The following CDH13 variants were observed in gnomAD, a reference collection of about 807,000 sequenced individuals.
The protein encoded by CDH13 is cadherin-13.
CDH13 carries 24 observed loss-of-function variants against 63.8 expected under a neutral mutation model. That is an observed-to-expected ratio of 0.38 (90% CI 0.27 to 0.53). CDH13 has a LOEUF of 0.53. Among genes scored for constraint, CDH13 ranks in the 20% least tolerant of loss-of-function variants. CDH13 has a pLI of 0.85. For missense variants in CDH13, 1,049 were observed against 903.1 expected (o/e 1.16, Z -2.07); for synonymous variants, 503 against 355.3 (o/e 1.42, Z -4.67).
intron 7 of CDH13, among the ~76,000 whole-genome samples, chr16:83,570,400 A>G (rs1422667092): frequency 1.3e-5 from 2 of 152,060 alleles, no homozygotes; most frequent in African/African-American, 4.8e-5. Flanking sequence ...TCTGCCCCAC[A>G]AGATGATGTC....
intron 5 of CDH13, among the ~76,000 whole-genome samples, chr16:83,267,718 T>C (rs568917730): frequency 2.7e-4 from 41 of 152,350 alleles, no homozygotes; most frequent in African/African-American, 9.4e-4. Flanking sequence ...CCTCGCCTGT[T>C]GTGGCCCCTC....
rs567254167 is a variant in CDH13 at position 82,952,073 on chromosome 16, G to A, written c.158-79937G>A. On this transcript the variant is annotated intron_variant, in intron 2 of 13. Transcript: ENST00000567109. The stretch of plus-strand genomic sequence containing the variant: ...ATGTGCAATTACTGCACATTTTCTC[G>A]AAAGGAGTTTTGACAATGATAAATG... 1.4e-3 allele frequency among the ~76,000 whole-genome samples: 212 copies of A among 152,290 alleles called. 1 individual carries two copies. Among genetic ancestry groups the A allele is most frequent in the African/African-American group, 4.8e-3 (201 of 41,564 alleles).
At chr16:82,879,663 A>G (rs1329550088) in intron 2 of CDH13, among the ~76,000 whole-genome samples, 1 of 139,488 alleles carries the variant, frequency 7.2e-6, no homozygotes, top group African/African-American at 2.6e-5. Flanking sequence ...TAGATATAAT[A>G]TATTTTACAT....
At chr16:82,753,244 C>T (rs2034489054) in intron 1 of CDH13, among the ~76,000 whole-genome samples, 2 of 152,170 alleles carry the variant, frequency 1.3e-5, no homozygotes, top group Admixed American at 6.5e-5. Flanking sequence ...ACATGGATGG[C>T]ATCTCAGTTC....
intron 2 of CDH13, among the ~76,000 whole-genome samples, chr16:82,879,435 A>G (rs968105140): frequency 1.4e-5 from 2 of 146,970 alleles, no homozygotes; most frequent in African/African-American, 5.0e-5. Flanking sequence ...TTATATATAT[A>G]TTTTCCTATA....
intron 1 of CDH13, among the ~76,000 whole-genome samples, chr16:82,651,819 G>A (rs537466436): frequency 6.6e-6 from 1 of 152,328 alleles, no homozygotes; most frequent in African/African-American, 2.4e-5. Context: ...TTTCCAGTGG[G>A]ACAGCAAGAA....
chr16:82,748,361 C>G (rs1020227081), intron 1 of CDH13, among the ~76,000 whole-genome samples: 2 of 152,190 alleles, frequency 1.3e-5, no homozygotes, highest in African/African-American at 4.8e-5. Context: ...AGCTTTTATT[C>G]TGACTTCCAG....
chr16:82,651,716 G>T lies in CDH13; in HGVS notation c.45+24579G>T, dbSNP rs140419146. Among the ~76,000 whole-genome samples the T allele has an allele frequency of 4.2e-3, 638 of 152,312 alleles. 1 individual carries two copies. The highest frequency in any genetic ancestry group is 6.3e-3 in the Non-Finnish European group (427 of 68,026). On this transcript the variant is annotated intron_variant, in intron 1 of 13. Coordinates refer to ENST00000567109, the MANE Select transcript of CDH13 (RefSeq NM_001257.5). Reference sequence around the variant, plus strand: ...GGCAGTTGTAGGAAGTACAGCTGGGGCTTATACCTTCCCATTCTACCCTCC... The same window carrying T: ...GGCAGTTGTAGGAAGTACAGCTGGGTCTTATACCTTCCCATTCTACCCTCC...
At chr16:83,289,515 C>T (rs954528820) in intron 5 of CDH13, among the ~76,000 whole-genome samples, 1 of 152,190 alleles carries the variant, frequency 6.6e-6, no homozygotes, top group Non-Finnish European at 1.5e-5. Context: ...AAGCACTGCT[C>T]TAAAAGATCT....
At chr16:83,705,818 T>A (rs1906956594) in intron 10 of CDH13, among the ~76,000 whole-genome samples, 1 of 152,202 alleles carries the variant, frequency 6.6e-6, no homozygotes, top group African/African-American at 2.4e-5. Context: ...TTGGGTCAAG[T>A]GATCCCCAGG....
intron 5 of CDH13, among the ~76,000 whole-genome samples, chr16:83,339,326 G>C (rs561379111): frequency 6.6e-6 from 1 of 152,170 alleles, no homozygotes; most frequent in South Asian, 2.1e-4. Flanking sequence ...ATACTTTCTG[G>C]TTGCTCAAAA....
intron 4 of CDH13, among the ~76,000 whole-genome samples, chr16:83,185,933 A>G (rs190616033): frequency 1.2e-3 from 186 of 152,290 alleles, no homozygotes; most frequent in Non-Finnish European, 1.7e-3. Context: ...ATGTCCGAAA[A>G]CCAATTATCA....
At chr16:83,006,305 C>A (rs1913488006) in intron 2 of CDH13, among the ~76,000 whole-genome samples, 1 of 152,196 alleles carries the variant, frequency 6.6e-6, no homozygotes, top group East Asian at 1.9e-4. Flanking sequence ...TTCCTTAATA[C>A]AGAGAGGAAA....
rs58046063 is a variant in CDH13, at chr16:82,804,312, C to CACACACAT, written c.46-54050_46-54049insACACACAT. ...ACACACACACACACACACACACACA[C>CACACACAT]GCACACACATACAAATACAAAGAAA... On this transcript the variant is annotated intron_variant, in intron 1 of 13. Transcript: ENST00000567109. 3.4e-3 allele frequency among the ~76,000 whole-genome samples: 507 copies of CACACACAT among 148,368 alleles called. 4 individuals are homozygous for CACACACAT. Among genetic ancestry groups the CACACACAT allele is most frequent in the African/African-American group, 0.011 (450 of 39,838 alleles).
chr16:83,291,791 G>A (rs1249006038), intron 5 of CDH13, among the ~76,000 whole-genome samples: 3 of 152,060 alleles, frequency 2.0e-5, no homozygotes, highest in Non-Finnish European at 2.9e-5. Flanking sequence ...TGAATTATTC[G>A]GGAAAATGCC....
intron 2 of CDH13, among the ~76,000 whole-genome samples, chr16:82,952,460 G>T (rs144444929): frequency 1.1e-4 from 16 of 152,282 alleles, no homozygotes; most frequent in African/African-American, 3.9e-4. Context: ...TTATCCTCTT[G>T]CCTAGAGCAG....
intron 5 of CDH13, among the ~76,000 whole-genome samples, chr16:83,314,313 T>A (rs1247700143): frequency 1.3e-5 from 2 of 152,174 alleles, no homozygotes; most frequent in Non-Finnish European, 2.9e-5. Context: ...AAATGTGTCT[T>A]AATGGGTAAC....
intron 5 of CDH13, among the ~76,000 whole-genome samples, chr16:83,265,730 T>G (rs1483264703): frequency 3.3e-5 from 4 of 119,910 alleles, no homozygotes; most frequent in Middle Eastern, 4.3e-3. Context: ...ATTTCTGCTT[T>G]TTTTTTTTTT....
intron 1 of CDH13, among the ~76,000 whole-genome samples, chr16:82,679,833 T>A (rs1167521002): frequency 6.6e-6 from 1 of 152,218 alleles, no homozygotes; most frequent in Non-Finnish European, 1.5e-5. Context: ...TGGATCTGAT[T>A]TTAAAACATT....
Sources: allele counts gnomAD v4.1 joint callset (sites outside exome capture counted in the v4.1 genomes callset), GRCh38; gene constraint gnomAD v4.1.1; transcripts MANE v1.5; gene names NCBI Gene and HGNC (gene_info 2026-07-23, HGNC 2026-07-21).